The following PTPRA variants were observed in gnomAD, a reference collection of about 807,000 sequenced individuals.
The protein encoded by PTPRA is protein tyrosine phosphatase receptor type A, also known as receptor-type tyrosine-protein phosphatase alpha.
PTPRA carries 25 observed loss-of-function variants against 104.8 expected under a neutral mutation model. The observed-to-expected ratio is 0.24, with a 90% confidence interval of 0.17 to 0.33. PTPRA has a LOEUF of 0.33. PTPRA is among the 10% of genes least tolerant of loss of function. The pLI is 1.00. For missense variants in PTPRA, 765 were observed against 1,015.3 expected, an observed-to-expected ratio of 0.75 and a Z score of 3.35; for synonymous variants, 323 against 368.9, an observed-to-expected ratio of 0.88 and a Z score of 1.43.
chr20:2,999,616 C>T (rs1568688458), intron 9 of PTPRA, among the ~76,000 whole-genome samples: 1 of 152,148 alleles, frequency 6.6e-6, no homozygotes, highest in Non-Finnish European at 1.5e-5. Flanking sequence ...AAAAGATGGT[C>T]TTCACAATAA....
At chr20:3,019,547 A>G (rs1037514687) in intron 13 of PTPRA, among the ~76,000 whole-genome samples, 2 of 149,004 alleles carry the variant, frequency 1.3e-5, no homozygotes, top group Non-Finnish European at 3.0e-5. Context: ...CTCACTTCCT[A>G]GATGGGATGG....
At chr20:2,894,200 ATT>A (rs1381014055) in intron 1 of PTPRA, among the ~76,000 whole-genome samples, 1 of 152,106 alleles carries the variant, frequency 6.6e-6, no homozygotes, top group Non-Finnish European at 1.5e-5. Flanking sequence ...AGTTTTGCAG[ATT>A]TTCTTTTCGA....
intron 12 of PTPRA, among the ~76,000 whole-genome samples, chr20:3,017,032 A>AT (rs993197647): frequency 1.1e-4 from 17 of 152,068 alleles, no homozygotes; most frequent in Admixed American, 2.0e-4. Flanking sequence ...GTATTATGTT[A>AT]TTTTTTGTAT....
chr20:2,943,496 C>CCATAA (rs1478741026), intron 2 of PTPRA, among the ~76,000 whole-genome samples: 2 of 152,064 alleles, frequency 1.3e-5, no homozygotes, highest in Non-Finnish European at 2.9e-5. Flanking sequence ...GGGCAACCTT[C>CCATAA]TGTACTCAAG....
chr20:2,999,362 A>G (rs1389783216), intron 9 of PTPRA, among the ~76,000 whole-genome samples: 1 of 152,226 alleles, frequency 6.6e-6, no homozygotes, highest in African/African-American at 2.4e-5. Context: ...AGCTGATTCT[A>G]AAATTTATAT....
intron 9 of PTPRA, among the ~76,000 whole-genome samples, chr20:3,000,147 G>A (rs568484588): frequency 1.1e-4 from 16 of 152,206 alleles, no homozygotes; most frequent in Non-Finnish European, 2.1e-4. Context: ...AATTAGCCAG[G>A]TGTGGTGGCG....
intron 2 of PTPRA, among the ~76,000 whole-genome samples, chr20:2,945,632 T>C (rs2061100176): frequency 6.6e-6 from 1 of 151,674 alleles, no homozygotes; most frequent in African/African-American, 2.4e-5. Flanking sequence ...AATATTTATT[T>C]ATTTATTTAT....
At chr20:2,894,539 C>T (rs2058918777) in intron 1 of PTPRA, among the ~76,000 whole-genome samples, 1 of 151,634 alleles carries the variant, frequency 6.6e-6, no homozygotes, top group Admixed American at 6.6e-5. Context: ...AACTCCCGGG[C>T]TCAAGTGATC....
rs1295870875 is a variant in PTPRA at position 3,035,849 on chromosome 20, C to A, written c.2106C>A (p.Ile702=). Residue 702 remains isoleucine (I), a synonymous_variant, in exon 22 of 24, where the codon ATC becomes ATA. Transcript: ENST00000399903. The surrounding 1 kb of genome is among the most constrained non-coding windows in gnomAD (Gnocchi z 5.8). ...FHFHGWPEVG[I]PSDGKGMISI... ...TCCATGGCTGGCCTGAAGTGGGCAT[C>A]CCCAGTGACGGAAAGGGCATGATCA... 17 of 1,614,176 alleles carry A rather than the reference C, an allele frequency of 1.1e-5. No homozygotes were observed. Among genetic ancestry groups the A allele is most frequent in the Non-Finnish European group, 1.4e-5 (17 of 1,180,042 alleles).
chr20:2,900,316 A>G (rs2059183927), intron 1 of PTPRA, among the ~76,000 whole-genome samples: 2 of 151,822 alleles, frequency 1.3e-5, no homozygotes, highest in Non-Finnish European at 2.9e-5. Context: ...TGGCTCTCAC[A>G]TTGTCCTTTT....
At chr20:2,914,976 C>T (rs966975946) in intron 1 of PTPRA, among the ~76,000 whole-genome samples, 26 of 152,180 alleles carry the variant, frequency 1.7e-4, no homozygotes, top group African/African-American at 5.8e-4. Context: ...GTCCCTTTTG[C>T]AGTTTACTTA....
chr20:2,916,096 G>A (rs979288695), intron 1 of PTPRA, among the ~76,000 whole-genome samples: 1 of 152,148 alleles, frequency 6.6e-6, no homozygotes, highest in Admixed American at 6.5e-5. Context: ...CTGGAGTGCA[G>A]TAGAGCAGTC....
intron 17 of PTPRA, among the ~76,000 whole-genome samples, chr20:3,026,106 C>T (rs1034899461): frequency 2.0e-5 from 3 of 151,656 alleles, no homozygotes; most frequent in African/African-American, 4.8e-5. Flanking sequence ...CCACTACCCC[C>T]GGCTAATTTT....
intron 13 of PTPRA, 55 bp downstream of exon 13, chr20:3,017,968 T>G: frequency 2.1e-5 from 31 of 1,445,586 alleles, no homozygotes; most frequent in Non-Finnish European, 2.4e-5. Context: ...ATATAAGCTC[T>G]GAGTTTAAGC....
the PTPRA span, chr20:2,864,827 A>G: frequency 3.4e-6 from 4 of 1,180,610 alleles, no homozygotes; most frequent in African/African-American, 1.5e-5. The surrounding 1 kb of genome is among the most constrained non-coding windows in gnomAD (Gnocchi z 5.2). Flanking sequence ...GGAGCTAGCC[A>G]TCCCTCTAGG....
intron 5 of PTPRA, among the ~76,000 whole-genome samples, chr20:2,974,508 C>T (rs566340749): frequency 6.6e-6 from 1 of 151,828 alleles, no homozygotes; most frequent in Non-Finnish European, 1.5e-5. Flanking sequence ...CTCACTGCAA[C>T]CTCCCCCTCC....
chr20:2,971,663 G>A (rs186309201), intron 5 of PTPRA, among the ~76,000 whole-genome samples: 2 of 152,254 alleles, frequency 1.3e-5, no homozygotes, highest in Admixed American at 1.3e-4. Context: ...ATTATACGTG[G>A]TACTGACTCT....
At chr20:2,867,545 CTCTGCTCTCCCTG>C in the PTPRA span, among the ~76,000 whole-genome samples, 1 of 150,002 alleles carries the variant, frequency 6.7e-6, no homozygotes, top group African/African-American at 2.5e-5. Context: ...AGTGCACCCC[CTCTGCTCTCCCTG>C]TCTAGCCCTC....
intron 9 of PTPRA, among the ~76,000 whole-genome samples, chr20:2,991,527 A>T (rs2063174789): frequency 6.6e-6 from 1 of 152,126 alleles, no homozygotes; most frequent in African/African-American, 2.4e-5. Context: ...TTTTTCTGAC[A>T]AATTAGTTCT....
Sources: allele counts gnomAD v4.1 joint callset (sites outside exome capture counted in the v4.1 genomes callset), GRCh38; gene constraint gnomAD v4.1.1; non-coding constraint Gnocchi (gnomAD v3.1); transcripts MANE v1.5; gene names NCBI Gene and HGNC (gene_info 2026-07-23, HGNC 2026-07-21).